Variants in NAV3 observed in about 807,000 individuals in gnomAD.
NAV3 encodes the protein neuron navigator 3.
A neutral mutation model predicts 244.7 loss-of-function variants in NAV3; 87 were observed. The observed-to-expected ratio is 0.36, with a 90% CI of 0.30 to 0.42. The LOEUF (loss-of-function observed/expected upper bound fraction) is 0.42, where lower values mean the gene tolerates loss of function less well. NAV3 is among the 20% of genes least tolerant of loss of function. The pLI is 1.00. For missense variants in NAV3, 2,663 were observed against 2,893.3 expected, an observed-to-expected ratio of 0.92 and a Z score of 1.83; for synonymous variants, 1,126 against 1,042.2, an observed-to-expected ratio of 1.08 and a Z score of -1.55.
intron 2 of NAV3, among the ~76,000 whole-genome samples, chr12:77,671,266 G>A (rs577805255): frequency 6.6e-6 from 1 of 151,986 alleles, no homozygotes; most frequent in East Asian, 1.9e-4. Flanking sequence ...GGAGGTGAAA[G>A]ACCTCTACAA....
Position 78,012,293 on chromosome 12 carries a change from T to C in NAV3, c.1907+4848T>C, listed in dbSNP as rs561992484. On this transcript the variant is annotated intron_variant, in intron 8 of 39. Coordinates refer to ENST00000397909, the MANE Select transcript of NAV3 (RefSeq NM_001024383.2). Reference sequence around the variant, plus strand: ...AGCCACAACACCACCAATTCTCATCTAGTTTCCAATGAGTCTCCCAGCTTC... The same window carrying C: ...AGCCACAACACCACCAATTCTCATCCAGTTTCCAATGAGTCTCCCAGCTTC... Among the ~76,000 whole-genome samples, 10 of 152,204 alleles carry C rather than the reference T, an allele frequency of 6.6e-5. No homozygotes were observed. The East Asian group carries it at 1.9e-3, about 29-fold the overall frequency.
chr12:77,944,090 G>T (rs1890112048), intron 3 of NAV3, among the ~76,000 whole-genome samples: 1 of 152,122 alleles, frequency 6.6e-6, no homozygotes, highest in African/African-American at 2.4e-5. Flanking sequence ...CAGTTACATA[G>T]GCGAGAACAA....
chr12:78,062,062 G>C (rs1566079027), intron 12 of NAV3, among the ~76,000 whole-genome samples: 1 of 152,192 alleles, frequency 6.6e-6, no homozygotes, highest in East Asian at 1.9e-4. Flanking sequence ...TCTTCTCTCT[G>C]CTCCTGCAGC....
intron 3 of NAV3, among the ~76,000 whole-genome samples, chr12:77,942,484 G>GA (rs958855922): frequency 1.7e-4 from 26 of 152,112 alleles, no homozygotes; most frequent in East Asian, 5.8e-4. Context: ...ATATGGTTGT[G>GA]AAAAAAATCA....
intron 12 of NAV3, among the ~76,000 whole-genome samples, chr12:78,074,663 C>A (rs759911885): frequency 5.9e-5 from 9 of 152,182 alleles, no homozygotes; most frequent in Non-Finnish European, 1.0e-4. Flanking sequence ...GAGATCGTGT[C>A]ACTATACTCC....
chr12:77,955,169 T>A (rs1445692625), intron 3 of NAV3, among the ~76,000 whole-genome samples: 3 of 152,176 alleles, frequency 2.0e-5, no homozygotes, highest in Non-Finnish European at 4.4e-5. Context: ...TTCACAGTGA[T>A]AAACAATGGG....
Position 77,831,454 on chromosome 12 carries a change from T to C in NAV3, c.-8T>C, listed in dbSNP as rs1873673576. On this transcript the variant is annotated 5_prime_UTR_variant, in exon 1 of 40. Coordinates refer to ENST00000397909, the MANE Select transcript of NAV3 (RefSeq NM_001024383.2). The stretch of plus-strand genomic sequence containing the variant: ...CTTTGGCAGCAAGAAGATAATTTTA[T>C]AGAAGCCATGCCTGTTCTTGGGGTT... The C allele has an allele frequency of 4.4e-6, 7 of 1,577,404 alleles. 1 individual carries two copies. Among genetic ancestry groups the C allele is most frequent in the Middle Eastern group, 3.4e-4 (2 of 5,840 alleles).
chr12:78,161,835 T>G (rs1448665735), intron 23 of NAV3, among the ~76,000 whole-genome samples: 1 of 152,126 alleles, frequency 6.6e-6, no homozygotes, highest in Non-Finnish European at 1.5e-5. Flanking sequence ...TAAAATTATT[T>G]GCAATGTGAA....
At position 77,831,195 on chromosome 12, in the gene NAV3, C is replaced by A. The variant is rs77759134; in HGVS notation, c.-267C>A. On this transcript the variant is annotated 5_prime_UTR_variant, in exon 1 of 40. Transcript: ENST00000397909. ...AGAGAGAGAGAGAGAGAGAGAGAGACAGAGAGAGAGAGAGAGAGAGAGAAA... is the reference window on the plus strand; with the variant it reads ...AGAGAGAGAGAGAGAGAGAGAGAGAAAGAGAGAGAGAGAGAGAGAGAGAAA... 40 of 145,120 alleles carry A rather than the reference C, an allele frequency of 2.8e-4. No homozygotes were observed. Among genetic ancestry groups the A allele is most frequent in the Admixed American group, 3.7e-4 (5 of 13,382 alleles). The allele number at this position is 145,120 out of a possible 1,614,324, so 9.0% of individuals were successfully genotyped here.
At chr12:78,095,342 C>G (rs1163387389) in intron 12 of NAV3, among the ~76,000 whole-genome samples, 1 of 151,532 alleles carries the variant, frequency 6.6e-6, no homozygotes, top group African/African-American at 2.4e-5. Flanking sequence ...GAAGAGAGAG[C>G]AAGAGAGAGA....
chr12:78,045,739 G>A (rs1412988382), intron 9 of NAV3, among the ~76,000 whole-genome samples: 1 of 152,150 alleles, frequency 6.6e-6, no homozygotes, highest in Non-Finnish European at 1.5e-5. Flanking sequence ...GATGATGCTG[G>A]CCTCATAAAA....
At chr12:77,875,370 T>C (rs1325515619) in intron 1 of NAV3, among the ~76,000 whole-genome samples, 2 of 152,074 alleles carry the variant, frequency 1.3e-5, no homozygotes, top group Non-Finnish European at 2.9e-5. Flanking sequence ...ACCACACTTC[T>C]CAAAAGAGCA....
rs1166199095 is a variant in NAV3, at chr12:77,766,748, T to G, written c.73-173571T>G. Among the ~76,000 whole-genome samples the G allele has an allele frequency of 1.3e-3, 36 of 28,262 alleles. 3 individuals carry two copies. The highest frequency in any genetic ancestry group is 4.6e-3 in the South Asian group (4 of 868). 18.5% of individuals were successfully genotyped at this position (28,262 alleles called of 152,430 possible). A position where few individuals can be genotyped will look rare whatever the true frequency, so the allele number is the denominator to read the frequency against. On this transcript the variant is annotated intron_variant, in intron 2 of 8. Transcript: ENST00000550042. ...ACAGGCAATTAAGTTTTTTTTTTTT[T>G]TTTTTTTTTTTTTTTTTTTTTTTGA...
At chr12:78,133,488 A>G (rs1341605303) in intron 18 of NAV3, among the ~76,000 whole-genome samples, 1 of 151,526 alleles carries the variant, frequency 6.6e-6, no homozygotes, top group Non-Finnish European at 1.5e-5. Flanking sequence ...TTTCTGAATA[A>G]TCAGTAAGAT....
At chr12:77,612,767 G>A (rs911175942) in intron 2 of NAV3, among the ~76,000 whole-genome samples, 3 of 151,962 alleles carry the variant, frequency 2.0e-5, no homozygotes, top group African/African-American at 7.2e-5. Context: ...GATATGATTT[G>A]GCTGTGTCCC....
chr12:78,136,143 T>C (rs1453878343), intron 18 of NAV3, among the ~76,000 whole-genome samples: 1 of 152,196 alleles, frequency 6.6e-6, no homozygotes, highest in African/African-American at 2.4e-5. Flanking sequence ...AGAAAAAATC[T>C]TAGTAAATTT....
intron 1 of NAV3, among the ~76,000 whole-genome samples, chr12:77,936,285 A>C (rs1337315023): frequency 1.3e-5 from 2 of 152,198 alleles, no homozygotes; most frequent in Non-Finnish European, 2.9e-5. Context: ...ATGCAATTGT[A>C]CTAGAATTTC....
chr12:78,016,516 T>C lies in NAV3; in HGVS notation c.1908-5231T>C, dbSNP rs530516767. 3.3e-5 allele frequency among the ~76,000 whole-genome samples: 5 copies of C among 152,310 alleles called. No homozygotes were observed. The East Asian group carries it at 9.6e-4, about 29-fold the overall frequency. On this transcript the variant is annotated intron_variant, in intron 8 of 39. Coordinates refer to ENST00000397909, the MANE Select transcript of NAV3 (RefSeq NM_001024383.2). Reference sequence around the variant, plus strand: ...AAATCTTCCATCCACACTAGACTTCTGTTCAACCCAACAGTTTCCTGGCCT... The same window carrying C: ...AAATCTTCCATCCACACTAGACTTCCGTTCAACCCAACAGTTTCCTGGCCT...
intron 1 of NAV3, among the ~76,000 whole-genome samples, chr12:77,873,021 C>T (rs1360967311): frequency 2.4e-4 from 36 of 152,138 alleles, no homozygotes; most frequent in Admixed American, 2.3e-3. Flanking sequence ...CCATGCTATT[C>T]TCATGATAGT....
Sources: allele counts gnomAD v4.1 joint callset (sites outside exome capture counted in the v4.1 genomes callset), GRCh38; gene constraint gnomAD v4.1.1; transcripts MANE v1.5; gene names NCBI Gene and HGNC (gene_info 2026-07-23, HGNC 2026-07-21).